The following NAPEPLD variants were observed in gnomAD, a reference collection of about 807,000 sequenced individuals.
NAPEPLD encodes the protein N-acyl-phosphatidylethanolamine-hydrolyzing phospholipase D.
In NAPEPLD, 23 loss-of-function variants were observed where a neutral mutation model predicts 38.1. The ratio of observed to expected loss-of-function variants is 0.60; its 90% confidence interval spans 0.43 to 0.86. The LOEUF is 0.86. Ranked by LOEUF, NAPEPLD falls within the 40% of genes least tolerant of loss-of-function variation. NAPEPLD has a pLI of 0.00. For synonymous variants in NAPEPLD, 147 were observed against 162.0 expected, an observed-to-expected ratio of 0.91 and a Z score of 0.71; for missense variants, 411 against 476.8, an observed-to-expected ratio of 0.86 and a Z score of 1.28.
chr7:103,146,768 C>A (rs2129538099), intron 1 of NAPEPLD, among the ~76,000 whole-genome samples: 1 of 152,190 alleles, frequency 6.6e-6, no homozygotes, highest in East Asian at 1.9e-4. Context: ...TCATTGGAAC[C>A]CCGCTGTAAC....
At chr7:103,109,863 G>T (rs978094952) in intron 4 of NAPEPLD, among the ~76,000 whole-genome samples, 1 of 151,958 alleles carries the variant, frequency 6.6e-6, no homozygotes, top group African/African-American at 2.4e-5. Context: ...TCAAATTGAC[G>T]CAATAAAAAA....
chr7:103,148,971 T>C lies in NAPEPLD; in HGVS notation c.-177A>G. ...CTCCGCAACTCGCGAGGTGCGAAAA[T>C]TCAAATGAAGCCCTGTCGCTCACAA... On this transcript the variant is annotated 5_prime_UTR_variant, in exon 1 of 5. Coordinates refer to ENST00000465647, the MANE Select transcript of NAPEPLD (RefSeq NM_001122838.3). 1 of 984,296 alleles carries C rather than the reference T, an allele frequency of 1.0e-6. No homozygotes were observed. Among genetic ancestry groups the C allele is most frequent in the Non-Finnish European group, 1.2e-6 (1 of 829,720 alleles). 61.0% of individuals were successfully genotyped at this position (984,296 alleles called of 1,614,324 possible). A position where few individuals can be genotyped will look rare whatever the true frequency, so the allele number is the denominator to read the frequency against.
chr7:103,148,318 A>C (rs1812993947), intron 1 of NAPEPLD, among the ~76,000 whole-genome samples: 1 of 152,186 alleles, frequency 6.6e-6, no homozygotes, highest in East Asian at 1.9e-4. Flanking sequence ...AGGCAAAGAC[A>C]AGAACTAAAT....
intron 1 of NAPEPLD, among the ~76,000 whole-genome samples, chr7:103,145,681 G>A (rs1469156000): frequency 6.6e-6 from 1 of 152,148 alleles, no homozygotes; most frequent in South Asian, 2.1e-4. Context: ...TTACCTAATC[G>A]GTAAACCAAG....
chr7:103,109,772 C>T (rs928958700), intron 4 of NAPEPLD, among the ~76,000 whole-genome samples: 3 of 44,500 alleles, frequency 6.7e-5, no homozygotes, highest in South Asian at 2.7e-3. Flanking sequence ...GACAGAGACG[C>T]GAAAAATCCT....
chr7:103,128,520 A>G lies in NAPEPLD; in HGVS notation c.257T>C (p.Met86Thr). ...SIPNVLRWLI[M>T]EKDHSSVPSS... ...TGGAACACTGCTGTGATCTTTCTCC[A>G]TTATCAGCCATCTGAGAACATTTGG... The change falls in exon 2 of 5, where the codon ATG (methionine) becomes ACG (threonine). Residue 86 changes from methionine (M) to threonine (T), a missense_variant. By Grantham distance (81) the Met-to-Thr change is moderately conservative (BLOSUM62 -1). Transcript: ENST00000465647. The G allele has an allele frequency of 1.2e-6, 2 of 1,614,188 alleles. No homozygotes were observed. The highest frequency in any genetic ancestry group is 8.5e-7 in the Non-Finnish European group (1 of 1,180,026).
intron 2 of NAPEPLD, among the ~76,000 whole-genome samples, chr7:103,126,229 G>A (rs1177946230): frequency 5.3e-5 from 8 of 152,146 alleles, no homozygotes; most frequent in Non-Finnish European, 8.8e-5. Flanking sequence ...AATCAGGTCT[G>A]CCTGCACTTC....
At chr7:103,115,282 T>C in intron 3 of NAPEPLD, 108 bp from the exon 4 acceptor site, 1 of 753,610 alleles carries the variant, frequency 1.3e-6, no homozygotes, top group Non-Finnish European at 2.1e-6. Context: ...ACTATGGATG[T>C]TGAGAATTAA....
upstream of NAPEPLD, chr7:103,149,388 C>A (rs143789269): frequency 0.036 from 42,468 of 1,172,804 alleles, 934 homozygotes; most frequent in African/African-American, 0.082. Context: ...CCGCGGCAGG[C>A]GCTCGGGTTC....
chr7:103,149,471 C>T, upstream of NAPEPLD: 5 of 1,265,078 alleles, frequency 4.0e-6, no homozygotes, highest in Non-Finnish European at 5.1e-6. Flanking sequence ...CAGCTCTCGC[C>T]GCCTCGCCAT....
At chr7:103,131,675 A>G (rs1808965993) in intron 1 of NAPEPLD, among the ~76,000 whole-genome samples, 1 of 152,042 alleles carries the variant, frequency 6.6e-6, no homozygotes, top group African/African-American at 2.4e-5. Context: ...AAAAAAAAAA[A>G]AGCAAGGAAG....
chr7:103,148,182 C>T (rs1812966376), intron 1 of NAPEPLD: 1 of 808,494 alleles, frequency 1.2e-6, no homozygotes, highest in African/African-American at 1.9e-5. Flanking sequence ...TGAAGAACTG[C>T]ATCTCAGGAA....
intron 2 of NAPEPLD, among the ~76,000 whole-genome samples, chr7:103,122,363 G>A (rs544699630): frequency 6.6e-6 from 1 of 152,040 alleles, no homozygotes; most frequent in Non-Finnish European, 1.5e-5. Context: ...TGATGGCATG[G>A]AGAGTGTCAC....
At chr7:103,106,989 T>G (rs1261833238) in intron 4 of NAPEPLD, among the ~76,000 whole-genome samples, 3 of 152,136 alleles carry the variant, frequency 2.0e-5, no homozygotes, top group African/African-American at 4.8e-5. Flanking sequence ...GACAGACATC[T>G]CATACAGGAG....
intron 3 of NAPEPLD, among the ~76,000 whole-genome samples, chr7:103,118,525 A>C (rs1266871960): frequency 6.6e-6 from 1 of 152,246 alleles, no homozygotes; most frequent in Non-Finnish European, 1.5e-5. Flanking sequence ...TAACAAAATC[A>C]GATGAAAACA....
rs1393234438 is a variant in NAPEPLD, at chr7:103,110,053, G to C, written c.1056+5007C>G. On this transcript the variant is annotated intron_variant, in intron 4 of 4. Transcript: ENST00000465647. Reference sequence around the variant, plus strand: ...AAATTCCTGAATAGGCCAATAACAAGTTGTGAAATTGAGGACGCAATTAAT... The same window carrying C: ...AAATTCCTGAATAGGCCAATAACAACTTGTGAAATTGAGGACGCAATTAAT... Among the ~76,000 whole-genome samples, 4 of 152,182 alleles carry C rather than the reference G, an allele frequency of 2.6e-5. No individual in the cohort carries two copies. In the South Asian group the frequency reaches 8.3e-4, roughly 31 times the overall value.
At chr7:103,115,258 A>C (rs1805327815) in intron 3 of NAPEPLD, 84 bp from the exon 4 acceptor site, 1 of 978,956 alleles carries the variant, frequency 1.0e-6, no homozygotes, top group African/African-American at 1.6e-5. Context: ...CCAAACTTTA[A>C]GATTCTGCGC....
chr7:103,123,823 T>TG (rs1339339079), intron 2 of NAPEPLD, among the ~76,000 whole-genome samples: 1 of 152,138 alleles, frequency 6.6e-6, no homozygotes, highest in African/African-American at 2.4e-5. Context: ...AGTAACAGCC[T>TG]GGGGTCCAGG....
intron 2 of NAPEPLD, among the ~76,000 whole-genome samples, chr7:103,125,952 T>G (rs958168434): frequency 2.0e-5 from 3 of 151,328 alleles, no homozygotes; most frequent in African/African-American, 7.3e-5. Context: ...TTGAGGAAAT[T>G]TTTCAGAATG....
Sources: gnomAD v4.1 joint callset for allele counts (sites outside exome capture counted in the v4.1 genomes callset) on GRCh38, gnomAD v4.1.1 for gene constraint, MANE v1.5 for transcripts, NCBI Gene and HGNC (gene_info 2026-07-23, HGNC 2026-07-21) for gene names.